Variants in DNER observed in about 807,000 individuals in gnomAD.
The protein encoded by DNER is delta/notch like EGF repeat containing.
Under a neutral mutation model 78.2 loss-of-function variants are expected in DNER, and 33 were observed. The ratio of observed to expected loss-of-function variants is 0.42; its 90% CI spans 0.32 to 0.56. The LOEUF (loss-of-function observed/expected upper bound fraction) is 0.56, where lower values mean the gene tolerates loss of function less well. Ranked by LOEUF, DNER falls within the 20% of genes least tolerant of loss-of-function variation. The pLI is 0.11. For synonymous variants in DNER, 417 were observed against 384.8 expected, an observed-to-expected ratio of 1.08 and a Z score of -0.98; for missense variants, 918 against 975.3, an observed-to-expected ratio of 0.94 and a Z score of 0.78.
At chr2:229,512,677 G>A in intron 6 of DNER, 106 bp downstream of exon 6, 1 of 1,469,686 alleles carries the variant, frequency 6.8e-7, no homozygotes, top group South Asian at 1.3e-5. Context: ...ACTTACTCAT[G>A]TAACCAAGTA....
At chr2:229,627,459 C>G (rs960351496) in intron 1 of DNER, among the ~76,000 whole-genome samples, 2 of 152,108 alleles carry the variant, frequency 1.3e-5, no homozygotes, top group Non-Finnish European at 2.9e-5. Flanking sequence ...GGTACCCAAC[C>G]TTTCTAGACT....
intron 1 of DNER, among the ~76,000 whole-genome samples, chr2:229,634,887 C>T (rs1476448865): frequency 1.3e-5 from 2 of 152,140 alleles, no homozygotes; most frequent in African/African-American, 4.8e-5. Context: ...CAATGGAAAC[C>T]CTTCAGGGCC....
chr2:229,535,370 A>T (rs1189285692), intron 5 of DNER, among the ~76,000 whole-genome samples: 1 of 152,182 alleles, frequency 6.6e-6, no homozygotes, highest in Non-Finnish European at 1.5e-5. Context: ...AAAATGGGTC[A>T]AGTTCTGAAA....
At position 229,422,624 on chromosome 2, in the gene DNER, G is replaced by C. The variant is rs150858652; in HGVS notation, c.1487-4394C>G. ...GAAAAACAGGCTTAGAAGAAGACCAGTTTAACTTTGGACGTGTTTAGATTG... is the reference window on the plus strand; with the variant it reads ...GAAAAACAGGCTTAGAAGAAGACCACTTTAACTTTGGACGTGTTTAGATTG... On this transcript the variant is annotated intron_variant, in intron 8 of 12. Coordinates refer to ENST00000341772, the MANE Select transcript of DNER (RefSeq NM_139072.4). Among the ~76,000 whole-genome samples the C allele has an allele frequency of 7.7e-4, 117 of 152,236 alleles. 2 individuals carry two copies. Among genetic ancestry groups the C allele is most frequent in the African/African-American group, 2.4e-3 (100 of 41,530 alleles).
chr2:229,493,610 C>A (rs1695445583), intron 6 of DNER, among the ~76,000 whole-genome samples: 1 of 152,106 alleles, frequency 6.6e-6, no homozygotes, highest in Admixed American at 6.5e-5. Flanking sequence ...GAGAACTGAG[C>A]CCCTACCATA....
chr2:229,645,953 A>G (rs1698710637), intron 1 of DNER, among the ~76,000 whole-genome samples: 2 of 152,204 alleles, frequency 1.3e-5, no homozygotes, highest in Admixed American at 6.5e-5. Context: ...GTTCTCCCCA[A>G]GGAAATCAAC....
At chr2:229,366,741 T>C (rs1692355770) in intron 12 of DNER, 132 bp downstream of exon 12, 10 of 1,388,552 alleles carry the variant, frequency 7.2e-6, no homozygotes, top group South Asian at 1.4e-5. Flanking sequence ...TATCCCCAAA[T>C]ACAATGTGGA....
At chr2:229,536,508 T>C (rs1360677427) in intron 5 of DNER, among the ~76,000 whole-genome samples, 2 of 152,132 alleles carry the variant, frequency 1.3e-5, no homozygotes, top group Non-Finnish European at 2.9e-5. Flanking sequence ...CCCATATGGG[T>C]GCCCACCCCA....
intron 1 of DNER, among the ~76,000 whole-genome samples, chr2:229,690,326 A>G (rs1699548904): frequency 6.6e-6 from 1 of 152,224 alleles, no homozygotes; most frequent in Non-Finnish European, 1.5e-5. Flanking sequence ...TATGTCTTGC[A>G]GGGATCAACT....
At chr2:229,601,968 G>A (rs1697833337) in intron 1 of DNER, among the ~76,000 whole-genome samples, 1 of 150,830 alleles carries the variant, frequency 6.6e-6, no homozygotes. Flanking sequence ...TGCACTTACT[G>A]ACATAGGCAC....
At chr2:229,511,248 G>A (rs534105711) in intron 6 of DNER, among the ~76,000 whole-genome samples, 7 of 152,250 alleles carry the variant, frequency 4.6e-5, no homozygotes, top group Non-Finnish European at 1.0e-4. Flanking sequence ...AGAATGGGAT[G>A]GAAAGAGAAA....
chr2:229,425,902 TAC>T (rs1474673830), intron 8 of DNER, among the ~76,000 whole-genome samples: 1 of 152,158 alleles, frequency 6.6e-6, no homozygotes, highest in Non-Finnish European at 1.5e-5. Context: ...ACTCCCCTCG[TAC>T]AGACTGAATT....
intron 4 of DNER, among the ~76,000 whole-genome samples, chr2:229,564,296 TCCTCCTCACCCCATCAC>T (rs1697050449): frequency 1.4e-5 from 2 of 144,508 alleles, no homozygotes; most frequent in African/African-American, 5.2e-5. Context: ...ACCATCATCA[TCCTCCTCACCCCATCAC>T]CATCATCATC....
intron 8 of DNER, 35 bp from the exon 9 acceptor site, chr2:229,418,265 C>A (rs547296079): frequency 6.2e-7 from 1 of 1,612,828 alleles, no homozygotes; most frequent in African/African-American, 1.3e-5. Flanking sequence ...CTGTCAAATG[C>A]ATCCCATTTA....
In DNER at chr2:229,407,322, C is replaced by T. The variant is rs1693410631; in HGVS notation, c.1633G>A (p.Asp545Asn). 3 of 1,613,628 alleles carry T rather than the reference C, an allele frequency of 1.9e-6. No homozygotes were observed. The highest frequency in any genetic ancestry group is 1.3e-5 in the African/African-American group (1 of 74,896). ...AGACAGCTGACGTTAGCGCAGGGAT[C>T]CTTGTACAATTCACAGTGTGTTCCT... Reference protein sequence around the residue: ...YKGTHCELYKDPCANVSCLNG... With the variant: ...YKGTHCELYKNPCANVSCLNG... Residue 545 changes from aspartate (D) to asparagine (N), a missense_variant, in exon 10 of 13, where the codon GAT (aspartate) becomes AAT (asparagine). Asp to Asn is a conservative substitution (Grantham distance 23). Coordinates refer to ENST00000341772, the MANE Select transcript of DNER (RefSeq NM_139072.4).
chr2:229,537,620 A>G (rs1445774606), intron 5 of DNER, among the ~76,000 whole-genome samples: 1 of 152,208 alleles, frequency 6.6e-6, no homozygotes, highest in African/African-American at 2.4e-5. Context: ...TTGCCCTAAT[A>G]TATTTAACAT....
chr2:229,366,916 C>T lies in DNER; in HGVS notation c.2059G>A (p.Asp687Asn), dbSNP rs145368755. 1,231 of 1,614,156 alleles carry T rather than the reference C, an allele frequency of 7.6e-4. 17 individuals carry two copies. In the Middle Eastern group the frequency reaches 0.014, roughly 18 times the overall value. Reference sequence around the variant, plus strand: ...GCAATGGCATTGCTGAACTCGCTGTCGATGCTGCGGCAGTTGTAGAACTCC... The same window carrying T: ...GCAATGGCATTGCTGAACTCGCTGTTGATGCTGCGGCAGTTGTAGAACTCC... ...YEEFYNCRSI[D>N]SEFSNAIASI... Residue 687 changes from aspartate (D) to asparagine (N), a missense_variant, in exon 12 of 13, where the codon GAC becomes AAC. Transcript: ENST00000341772.
At chr2:229,382,004 C>A (rs2106332876) in intron 11 of DNER, among the ~76,000 whole-genome samples, 1 of 152,316 alleles carries the variant, frequency 6.6e-6, no homozygotes, top group African/African-American at 2.4e-5. Flanking sequence ...ACAGACACCT[C>A]ATATAGGAGA....
At chr2:229,450,070 G>A (rs1317498035) in intron 7 of DNER, among the ~76,000 whole-genome samples, 6 of 152,202 alleles carry the variant, frequency 3.9e-5, no homozygotes, top group East Asian at 1.9e-4. Context: ...GTGAGCCACC[G>A]TGCCTGGGCA....
Sources: gnomAD v4.1 joint callset for allele counts (sites outside exome capture counted in the v4.1 genomes callset) on GRCh38, gnomAD v4.1.1 for gene constraint, MANE v1.5 for transcripts, NCBI Gene and HGNC (gene_info 2026-07-23, HGNC 2026-07-21) for gene names.